The following THEMIS variants were observed in gnomAD, a reference collection of about 807,000 sequenced individuals.
THEMIS encodes the protein protein THEMIS.
A neutral mutation model predicts 52.6 loss-of-function variants in THEMIS; 37 were observed. The ratio of observed to expected loss-of-function variants is 0.70; its 90% CI spans 0.54 to 0.93. The LOEUF (loss-of-function observed/expected upper bound fraction) is 0.93. THEMIS is among the 40% of genes least tolerant of loss of function. The pLI is 0.00. For synonymous variants in THEMIS, 292 were observed against 272.7 expected (o/e 1.07, Z -0.70); for missense variants, 808 against 763.1 (o/e 1.06, Z -0.69).
intron 4 of THEMIS, among the ~76,000 whole-genome samples, chr6:127,743,839 A>G (rs1298637545): frequency 6.6e-6 from 1 of 152,160 alleles, no homozygotes; most frequent in Non-Finnish European, 1.5e-5. Flanking sequence ...CTGTTTTTCT[A>G]GTCATTTCCA....
chr6:127,769,312 T>A (rs1014983062), intron 4 of THEMIS, among the ~76,000 whole-genome samples: 6 of 152,138 alleles, frequency 3.9e-5, no homozygotes, highest in Non-Finnish European at 8.8e-5. Context: ...AAGATTGTTG[T>A]GTTTATTGTG....
chr6:127,738,968 A>G (rs1412370595), intron 4 of THEMIS, among the ~76,000 whole-genome samples: 1 of 152,142 alleles, frequency 6.6e-6, no homozygotes, highest in Non-Finnish European at 1.5e-5. Flanking sequence ...TTAAAAATAT[A>G]TATATTCTTT....
At chr6:127,752,100 G>A (rs563722128) in intron 4 of THEMIS, among the ~76,000 whole-genome samples, 32 of 151,728 alleles carry the variant, frequency 2.1e-4, no homozygotes, top group African/African-American at 7.2e-4. Context: ...ATATCAAAAC[G>A]TGTCTTGGGA....
chr6:127,742,869 T>C (rs1562228226), intron 4 of THEMIS, among the ~76,000 whole-genome samples: 1 of 152,140 alleles, frequency 6.6e-6, no homozygotes, highest in Non-Finnish European at 1.5e-5. Context: ...TCCATAACAA[T>C]GTGAATGGCC....
intron 2 of THEMIS, among the ~76,000 whole-genome samples, chr6:127,854,420 CATCAATGACTATCCA>C (rs1251587371): frequency 6.6e-6 from 1 of 151,720 alleles, no homozygotes; most frequent in Non-Finnish European, 1.5e-5. Flanking sequence ...ATGAGAAAGT[CATCAATGACTATCCA>C]GTGAGGTGTA....
intron 2 of THEMIS, among the ~76,000 whole-genome samples, chr6:127,830,446 G>C (rs1318318890): frequency 6.6e-6 from 1 of 152,104 alleles, no homozygotes; most frequent in African/African-American, 2.4e-5. Flanking sequence ...AGAACTTTGG[G>C]AGGCTGAGGT....
At chr6:127,879,429 T>A (rs1424285420) in intron 1 of THEMIS, among the ~76,000 whole-genome samples, 1 of 152,074 alleles carries the variant, frequency 6.6e-6, no homozygotes, top group Non-Finnish European at 1.5e-5. Context: ...TCTTGGACAT[T>A]CATTTACTCA....
At chr6:127,711,758 A>G (rs1358862362) in intron 5 of THEMIS, among the ~76,000 whole-genome samples, 2 of 152,028 alleles carry the variant, frequency 1.3e-5, no homozygotes, top group African/African-American at 4.8e-5. Context: ...ATAAAAAGGA[A>G]TAACAGCAAT....
In THEMIS at chr6:127,712,235, TA is replaced by T. The variant is rs374594946; in HGVS notation, c.1895-2220del. Reference sequence around the variant, plus strand: ...TTAAAATAATTAGATTATTTCCAAATAAAAAACTGGGATTTAAACAATCTTA... The same window carrying T: ...TTAAAATAATTAGATTATTTCCAAATAAAAACTGGGATTTAAACAATCTTA... On this transcript the variant is annotated intron_variant, in intron 5 of 5. Coordinates refer to ENST00000368248, the MANE Select transcript of THEMIS (RefSeq NM_001010923.3). 6.0e-4 allele frequency among the ~76,000 whole-genome samples: 91 copies of T among 151,982 alleles called. No individual in the cohort carries two copies. The East Asian group carries it at 0.014, about 23-fold the overall frequency.
At chr6:127,814,062 T>A in intron 3 of THEMIS, 131 bp from the exon 4 acceptor site, 1 of 784,960 alleles carries the variant, frequency 1.3e-6, no homozygotes, top group Non-Finnish European at 1.9e-6. Context: ...ATATCATTTC[T>A]TATGTGTGAT....
intron 4 of THEMIS, among the ~76,000 whole-genome samples, chr6:127,795,146 A>G (rs1317014122): frequency 6.6e-6 from 1 of 152,222 alleles, no homozygotes. Context: ...GAGTTTATAG[A>G]TATGTCAGAA....
intron 4 of THEMIS, among the ~76,000 whole-genome samples, chr6:127,788,791 G>C (rs925163546): frequency 6.6e-6 from 1 of 151,912 alleles, no homozygotes; most frequent in Non-Finnish European, 1.5e-5. Flanking sequence ...CTACTCTCCA[G>C]GAAGACAAAA....
chr6:127,916,809 G>A (rs1781537006), intron 1 of THEMIS, among the ~76,000 whole-genome samples: 1 of 151,946 alleles, frequency 6.6e-6, no homozygotes, highest in Non-Finnish European at 1.5e-5. Context: ...CTCAAATAAT[G>A]TACTACCAGG....
At chr6:127,880,758 A>T (rs1016124327) in intron 1 of THEMIS, among the ~76,000 whole-genome samples, 18 of 152,068 alleles carry the variant, frequency 1.2e-4, no homozygotes, top group African/African-American at 4.1e-4. Flanking sequence ...TCAGACAGCT[A>T]ATCTGTTTAT....
chr6:127,884,225 T>C (rs577687734), intron 1 of THEMIS, among the ~76,000 whole-genome samples: 1 of 152,302 alleles, frequency 6.6e-6, no homozygotes, highest in South Asian at 2.1e-4. Flanking sequence ...CATGTTGGTG[T>C]TCTTTGGGAC....
chr6:127,861,585 A>G (rs1779797016), intron 1 of THEMIS, among the ~76,000 whole-genome samples: 1 of 151,932 alleles, frequency 6.6e-6, no homozygotes, highest in Admixed American at 6.6e-5. Flanking sequence ...GGAGTTCAAG[A>G]CCAGCCTGGC....
At chr6:127,784,785 C>T (rs1217165272) in intron 4 of THEMIS, among the ~76,000 whole-genome samples, 1 of 151,710 alleles carries the variant, frequency 6.6e-6, no homozygotes, top group Non-Finnish European at 1.5e-5. Context: ...AGAGCTCAAC[C>T]CCTGGACTTC....
chr6:127,731,553 T>C (rs1774795553), intron 4 of THEMIS, among the ~76,000 whole-genome samples: 1 of 151,992 alleles, frequency 6.6e-6, no homozygotes, highest in South Asian at 2.1e-4. Context: ...TTCGGCATTT[T>C]TTTTTCTAAG....
At chr6:127,916,357 C>A (rs144514777) in intron 1 of THEMIS, among the ~76,000 whole-genome samples, 263 of 152,252 alleles carry the variant, frequency 1.7e-3, no homozygotes, top group African/African-American at 5.9e-3. Context: ...GTCCCCACCA[C>A]TGTCCTCCAT....
Sources: allele counts gnomAD v4.1 joint callset (sites outside exome capture counted in the v4.1 genomes callset), GRCh38; gene constraint gnomAD v4.1.1; transcripts MANE v1.5; gene names NCBI Gene and HGNC (gene_info 2026-07-23, HGNC 2026-07-21).